Variants in TMEM132C observed in about 807,000 individuals in gnomAD.
TMEM132C encodes protein phosphatase 1, regulatory subunit 152.
TMEM132C carries 29 observed loss-of-function variants against 61.4 expected under a neutral mutation model. The observed-to-expected ratio is 0.47, with a 90% CI of 0.35 to 0.64. TMEM132C has a LOEUF of 0.64. Ranked by LOEUF, TMEM132C falls within the 30% of genes least tolerant of loss-of-function variation. TMEM132C has a pLI of 0.00. For synonymous variants in TMEM132C, 656 were observed against 633.1 expected (o/e 1.04, Z -0.54); for missense variants, 1,408 against 1,476.9 (o/e 0.95, Z 0.76).
intron 1 of TMEM132C, among the ~76,000 whole-genome samples, chr12:128,367,152 G>A (rs1416448865): frequency 6.6e-6 from 1 of 152,208 alleles, no homozygotes; most frequent in African/African-American, 2.4e-5. Context: ...AGGAAAGGCA[G>A]CCATTGTGAC....
intron 4 of TMEM132C, among the ~76,000 whole-genome samples, chr12:128,628,557 T>C (rs751602795): frequency 4.6e-5 from 7 of 152,230 alleles, no homozygotes; most frequent in Non-Finnish European, 8.8e-5. Context: ...ATAAAATGCA[T>C]GTCTATTTGT....
At chr12:128,391,437 G>A (rs1874760869) in intron 1 of TMEM132C, among the ~76,000 whole-genome samples, 1 of 152,160 alleles carries the variant, frequency 6.6e-6, no homozygotes, top group African/African-American at 2.4e-5. Context: ...TTCCCCTCAG[G>A]AAAGGTACCT....
chr12:128,314,823 G>A (rs993885294), intron 1 of TMEM132C, among the ~76,000 whole-genome samples: 6 of 152,122 alleles, frequency 3.9e-5, no homozygotes, highest in Admixed American at 2.0e-4. Flanking sequence ...CTCCAGAACT[G>A]TCTGAGAATA....
chr12:128,455,426 CCTA>C (rs1198716789), intron 2 of TMEM132C, among the ~76,000 whole-genome samples: 1 of 152,140 alleles, frequency 6.6e-6, no homozygotes, highest in Admixed American at 6.5e-5. Flanking sequence ...GAATATGTGA[CCTA>C]CTGAAGCAGT....
intron 4 of TMEM132C, among the ~76,000 whole-genome samples, chr12:128,645,723 G>A (rs1036948031): frequency 2.0e-5 from 3 of 152,242 alleles, no homozygotes; most frequent in Admixed American, 2.0e-4. Context: ...CAGTCCATCA[G>A]CGTTGGATGG....
At chr12:128,582,512 C>A (rs917446482) in intron 3 of TMEM132C, among the ~76,000 whole-genome samples, 1 of 151,496 alleles carries the variant, frequency 6.6e-6, no homozygotes, top group Admixed American at 6.6e-5. Flanking sequence ...AATTGTGCTC[C>A]CATAATTCCC....
At chr12:128,452,050 C>G (rs1870191030) in intron 2 of TMEM132C, among the ~76,000 whole-genome samples, 1 of 152,032 alleles carries the variant, frequency 6.6e-6, no homozygotes, top group Non-Finnish European at 1.5e-5. Flanking sequence ...GCAGGCCAAG[C>G]AATTTTCTTT....
At chr12:128,563,678 C>T (rs1016864322) in intron 3 of TMEM132C, among the ~76,000 whole-genome samples, 1 of 152,098 alleles carries the variant, frequency 6.6e-6, no homozygotes, top group African/African-American at 2.4e-5. Context: ...ACTCTTCAGA[C>T]CTCAGATTTC....
intron 1 of TMEM132C, among the ~76,000 whole-genome samples, chr12:128,327,631 C>T (rs903072671): frequency 6.6e-6 from 1 of 152,108 alleles, no homozygotes; most frequent in African/African-American, 2.4e-5. Context: ...GATCTGCCCA[C>T]CTCAGGCTCC....
At chr12:128,315,319 AG>A (rs1288060031) in intron 1 of TMEM132C, among the ~76,000 whole-genome samples, 3 of 152,186 alleles carry the variant, frequency 2.0e-5, no homozygotes, top group Non-Finnish European at 2.9e-5. Flanking sequence ...GCTGCCTTCC[AG>A]GTATTGCTAA....
In TMEM132C at chr12:128,630,680, C is replaced by T. The variant is rs939250827; in HGVS notation, c.1305+14345C>T. Reference sequence around the variant, plus strand: ...TGTCCACTCCCTAGTCCTCACCTTCCAGATCACTGCTCAATATCTAGTCGA... The same window carrying T: ...TGTCCACTCCCTAGTCCTCACCTTCTAGATCACTGCTCAATATCTAGTCGA... On this transcript the variant is annotated intron_variant, in intron 4 of 8. Transcript: ENST00000435159. The surrounding 1 kb of genome is among the most constrained non-coding windows in gnomAD (Gnocchi z 4.3). 4.6e-5 allele frequency among the ~76,000 whole-genome samples: 7 copies of T among 152,316 alleles called. No individual in the cohort carries two copies. Among genetic ancestry groups the T allele is most frequent in the Admixed American group, 2.0e-4 (3 of 15,300 alleles).
intron 4 of TMEM132C, among the ~76,000 whole-genome samples, chr12:128,623,498 T>C (rs976531090): frequency 7.2e-5 from 11 of 151,734 alleles, no homozygotes; most frequent in African/African-American, 2.7e-4. Flanking sequence ...TGTTCTAATT[T>C]TAAAGATGAT....
At chr12:128,466,115 A>G (rs1870725799) in intron 2 of TMEM132C, among the ~76,000 whole-genome samples, 1 of 152,214 alleles carries the variant, frequency 6.6e-6, no homozygotes, top group South Asian at 2.1e-4. Flanking sequence ...GTGGAAGTCA[A>G]AGTGGGAGAA....
chr12:128,408,511 T>C (rs182177784), intron 1 of TMEM132C, among the ~76,000 whole-genome samples: 25 of 152,318 alleles, frequency 1.6e-4, no homozygotes, highest in Admixed American at 1.0e-3. Flanking sequence ...AGAGTATTTT[T>C]TTGGATTGGG....
chr12:128,530,083 T>A (rs1593087841), intron 2 of TMEM132C, among the ~76,000 whole-genome samples: 1 of 124,826 alleles, frequency 8.0e-6, no homozygotes, highest in African/African-American at 3.2e-5. Context: ...GGACATGGAG[T>A]AGGAGTGAAA....
At chr12:128,572,804 A>G (rs1270657223) in intron 3 of TMEM132C, among the ~76,000 whole-genome samples, 3 of 152,288 alleles carry the variant, frequency 2.0e-5, no homozygotes, top group African/African-American at 7.2e-5. Context: ...CCTGGGTCAC[A>G]TGCCCACTTC....
In TMEM132C at chr12:128,697,386, G is replaced by A. The variant is rs1411590152; in HGVS notation, c.2092G>A (p.Ala698Thr). Residue 698 changes from alanine (A) to threonine (T), a missense_variant, in exon 8 of 9, where the codon GCT becomes ACT. Transcript: ENST00000435159. Reference protein sequence around the residue: ...NSKAVTAVVTAEEVLRTPKQE... With the variant: ...NSKAVTAVVTTEEVLRTPKQE... Reference sequence around the variant, plus strand: ...CAAGGCCGTAACAGCTGTGGTCACAGCTGAGGAGGTGCTGCGGACCCCCAA... The same window carrying A: ...CAAGGCCGTAACAGCTGTGGTCACAACTGAGGAGGTGCTGCGGACCCCCAA... The A allele has an allele frequency of 1.3e-6, 2 of 1,545,550 alleles. No homozygotes were observed. The highest frequency in any genetic ancestry group is 4.9e-5 in the East Asian group (2 of 40,776).
At chr12:128,395,929 C>T (rs1273213467) in intron 1 of TMEM132C, among the ~76,000 whole-genome samples, 1 of 152,150 alleles carries the variant, frequency 6.6e-6, no homozygotes, top group Non-Finnish European at 1.5e-5. Flanking sequence ...ACAGACTTAC[C>T]TAATACAGAC....
intron 3 of TMEM132C, among the ~76,000 whole-genome samples, chr12:128,573,091 C>T (rs999232094): frequency 6.6e-6 from 1 of 152,184 alleles, no homozygotes; most frequent in Non-Finnish European, 1.5e-5. Flanking sequence ...ACCCAGCCAT[C>T]CCATTACTGG....
Sources: gnomAD v4.1 joint callset for allele counts (sites outside exome capture counted in the v4.1 genomes callset) on GRCh38, gnomAD v4.1.1 for gene constraint, Gnocchi (gnomAD v3.1) non-coding constraint, MANE v1.5 for transcripts, NCBI Gene and HGNC (gene_info 2026-07-23, HGNC 2026-07-21) for gene names.